The following TENM2 variants were observed in gnomAD, a reference collection of about 807,000 sequenced individuals.
TENM2 encodes the protein teneurin-2.
Under a neutral mutation model 245.2 loss-of-function variants are expected in TENM2, and 52 were observed. That is an observed-to-expected ratio of 0.21 (90% CI 0.17 to 0.27). The LOEUF (loss-of-function observed/expected upper bound fraction) is 0.27. Ranked by LOEUF, TENM2 falls within the 10% of genes least tolerant of loss-of-function variation. The probability of loss-of-function intolerance (pLI) is 1.00; values close to 1 mark genes in which losing one functional copy is unlikely to be tolerated. For synonymous variants in TENM2, 1,363 were observed against 1,438.9 expected (o/e 0.95, Z 1.19); for missense variants, 3,046 against 3,666.8 (o/e 0.83, Z 4.37).
chr5:167,473,379 C>A (rs933304748), intron 2 of TENM2, among the ~76,000 whole-genome samples: 1 of 152,174 alleles, frequency 6.6e-6, no homozygotes, highest in African/African-American at 2.4e-5. Flanking sequence ...CATGGTCTGG[C>A]ACTTTCAGCA....
At chr5:167,102,927 C>A in the TENM2 span, among the ~76,000 whole-genome samples, 2 of 152,078 alleles carry the variant, frequency 1.3e-5, no homozygotes, top group African/African-American at 4.8e-5. Flanking sequence ...CCGAAAGTGC[C>A]GGGATTACAG....
intron 2 of TENM2, among the ~76,000 whole-genome samples, chr5:167,677,976 G>A (rs1756448021): frequency 6.6e-6 from 1 of 151,814 alleles, no homozygotes; most frequent in Non-Finnish European, 1.5e-5. Flanking sequence ...AATAATATGT[G>A]ACTGCTAAAA....
At chr5:167,413,197 A>G (rs1052181996) in intron 2 of TENM2, among the ~76,000 whole-genome samples, 2 of 152,116 alleles carry the variant, frequency 1.3e-5, no homozygotes, top group African/African-American at 4.8e-5. Context: ...TACATAATTA[A>G]ATTGTTCTAT....
chr5:167,951,626 C>T (rs935111313), intron 3 of TENM2, among the ~76,000 whole-genome samples: 4 of 152,028 alleles, frequency 2.6e-5, no homozygotes, highest in South Asian at 2.1e-4. Flanking sequence ...TTTAAAAAAA[C>T]GCAGGATGCA....
chr5:167,155,532 G>A, the TENM2 span, among the ~76,000 whole-genome samples: 6 of 152,210 alleles, frequency 3.9e-5, no homozygotes, highest in Non-Finnish European at 5.9e-5. Flanking sequence ...TCGATGTAGC[G>A]AACAGCAGGA....
At chr5:168,126,712 A>G in intron 11 of TENM2, 42 bp from the exon 14 acceptor site, 3 of 1,537,568 alleles carry the variant, frequency 2.0e-6, no homozygotes, top group Non-Finnish European at 2.7e-6. Flanking sequence ...GGAAGGTTTC[A>G]CCAGCTGTGG....
chr5:167,478,163 C>G (rs1767518378), intron 2 of TENM2, among the ~76,000 whole-genome samples: 1 of 152,154 alleles, frequency 6.6e-6, no homozygotes, highest in Admixed American at 6.5e-5. Flanking sequence ...AAACAAGGCT[C>G]AATGGCCATT....
chr5:168,178,625 G>A (rs796280056), intron 13 of TENM2, among the ~76,000 whole-genome samples: 2 of 152,314 alleles, frequency 1.3e-5, no homozygotes, highest in African/African-American at 4.8e-5. Context: ...GTCAGCAGGG[G>A]CGGGACAGGG....
intron 1 of TENM2, among the ~76,000 whole-genome samples, chr5:167,323,568 A>G (rs1488633586): frequency 6.6e-6 from 1 of 152,124 alleles, no homozygotes; most frequent in Non-Finnish European, 1.5e-5. Context: ...TTACTCACTG[A>G]TAATAAAAAT....
At chr5:167,762,932 C>T (rs952036838) in intron 2 of TENM2, among the ~76,000 whole-genome samples, 1 of 152,208 alleles carries the variant, frequency 6.6e-6, no homozygotes, top group Admixed American at 6.5e-5. Flanking sequence ...TACCAAAATT[C>T]AATTGAACTG....
At chr5:168,112,592 C>A (rs956793622) in intron 9 of TENM2, among the ~76,000 whole-genome samples, 4 of 44,442 alleles carry the variant, frequency 9.0e-5, no homozygotes, top group African/African-American at 3.9e-4. Flanking sequence ...TTTTTGAATA[C>A]AGTGTGCAGT....
chr5:167,632,649 G>GT, intron 2 of TENM2, among the ~76,000 whole-genome samples: 1 of 152,164 alleles, frequency 6.6e-6, no homozygotes, highest in South Asian at 2.1e-4. Context: ...TAGGTGACTG[G>GT]TATACACACT....
At chr5:167,220,738 A>C in the TENM2 span, among the ~76,000 whole-genome samples, 1 of 152,172 alleles carries the variant, frequency 6.6e-6, no homozygotes, top group Non-Finnish European at 1.5e-5. Context: ...TGTCTGAAAG[A>C]TGAGGATGAT....
chr5:167,328,415 G>A (rs772103396), intron 1 of TENM2, among the ~76,000 whole-genome samples: 4 of 151,658 alleles, frequency 2.6e-5, no homozygotes, highest in Non-Finnish European at 5.9e-5. Flanking sequence ...ACCAAGAGAT[G>A]GGGTTTCTTA....
chr5:168,222,615 C>G (rs921313528), intron 23 of TENM2, among the ~76,000 whole-genome samples: 7 of 152,174 alleles, frequency 4.6e-5, no homozygotes, highest in Admixed American at 4.6e-4. Context: ...TACAGAATGC[C>G]TTTTGGAAAC....
intron 3 of TENM2, among the ~76,000 whole-genome samples, chr5:167,886,648 C>T (rs145583320): frequency 8.7e-4 from 132 of 152,204 alleles, no homozygotes; most frequent in Middle Eastern, 3.4e-3. Context: ...AAGAAATTGG[C>T]GGTGATAGAA....
At chr5:167,133,769 T>C in the TENM2 span, among the ~76,000 whole-genome samples, 1 of 152,080 alleles carries the variant, frequency 6.6e-6, no homozygotes, top group African/African-American at 2.4e-5. Context: ...ACTTGTGTCA[T>C]TATATTCCCC....
intron 2 of TENM2, among the ~76,000 whole-genome samples, chr5:167,382,304 G>T (rs558186095): frequency 6.6e-6 from 1 of 152,300 alleles, no homozygotes; most frequent in South Asian, 2.1e-4. Flanking sequence ...TAACAATGAA[G>T]TTGGAGACAA....
intron 2 of TENM2, among the ~76,000 whole-genome samples, chr5:167,456,747 T>G (rs917291005): frequency 6.6e-6 from 1 of 152,270 alleles, no homozygotes; most frequent in African/African-American, 2.4e-5. Flanking sequence ...AATTTTAGTT[T>G]TCATCCATCT....
Sources: gnomAD v4.1 joint callset for allele counts (sites outside exome capture counted in the v4.1 genomes callset) on GRCh38, gnomAD v4.1.1 for gene constraint, MANE v1.5 for transcripts, NCBI Gene and HGNC (gene_info 2026-07-23, HGNC 2026-07-21) for gene names.